Variants in GNAI3 observed in about 807,000 individuals in gnomAD.
GNAI3 encodes the protein guanine nucleotide-binding protein G(i) subunit alpha-3.
Under a neutral mutation model 41.8 loss-of-function variants are expected in GNAI3, and 12 were observed. That is an observed-to-expected ratio of 0.29 (90% CI 0.18 to 0.47). The LOEUF is 0.47. Among genes scored for constraint, GNAI3 ranks in the 20% least tolerant of loss-of-function variants. The pLI, the probability that GNAI3 is intolerant of heterozygous loss-of-function variation, is 1.00. For synonymous variants in GNAI3, 132 were observed against 146.5 expected (o/e 0.90, Z 0.71); for missense variants, 360 against 429.6 (o/e 0.84, Z 1.43).
At chr1:109,571,212 G>GA in intron 1 of GNAI3, among the ~76,000 whole-genome samples, 1 of 152,224 alleles carries the variant, frequency 6.6e-6, no homozygotes, top group East Asian at 1.9e-4. Context: ...GTGAGTTGGG[G>GA]AATCAGTATC....
chr1:109,570,402 T>A (rs1414539709), intron 1 of GNAI3, among the ~76,000 whole-genome samples: 1 of 152,202 alleles, frequency 6.6e-6, no homozygotes, highest in Non-Finnish European at 1.5e-5. Flanking sequence ...CATGACCAGT[T>A]TAAGGCCCTG....
intron 1 of GNAI3, among the ~76,000 whole-genome samples, chr1:109,568,199 A>G (rs1430176157): frequency 6.6e-6 from 1 of 152,106 alleles, no homozygotes; most frequent in African/African-American, 2.4e-5. Flanking sequence ...GGTGGAGAGC[A>G]TATGCTCTGG....
intron 3 of GNAI3, among the ~76,000 whole-genome samples, chr1:109,574,558 A>G (rs555486087): frequency 6.6e-6 from 1 of 152,300 alleles, no homozygotes; most frequent in South Asian, 2.1e-4. Context: ...ATGCCCTAGT[A>G]TAATTCTTTA....
At chr1:109,575,111 A>T (rs2101101685) in intron 3 of GNAI3, among the ~76,000 whole-genome samples, 2 of 152,310 alleles carry the variant, frequency 1.3e-5, no homozygotes, top group South Asian at 4.1e-4. Context: ...TGTGAATGTG[A>T]CTTTTATATT....
At position 109,575,230 on chromosome 1, in the gene GNAI3, CT is replaced by C. The variant is rs1374086136; in HGVS notation, c.303+1194del. Among the ~76,000 whole-genome samples the C allele has an allele frequency of 7.2e-5, 11 of 152,210 alleles. No homozygotes were observed. The East Asian group carries it at 1.9e-3, about 27-fold the overall frequency. On this transcript the variant is annotated intron_variant, in intron 3 of 8. Transcript: ENST00000369851. ...CTTGTCTTACCCTTTCCTATTCCTT[CT>C]CTCACCCCCTGCTTTTGTTTCCTTC...
chr1:109,586,138 G>T, intron 5 of GNAI3, 78 bp from the exon 6 acceptor site: 1 of 1,211,848 alleles, frequency 8.3e-7, no homozygotes, highest in South Asian at 1.8e-5. Context: ...GTAATAGTGG[G>T]AAGTTTCCTA....
rs2230350 is a variant in GNAI3, at chr1:109,548,825, G to A, written c.105G>A (p.Lys35=). 47,409 of 1,532,620 alleles carry A rather than the reference G, an allele frequency of 0.031. 856 individuals are homozygous for A. The highest frequency in any genetic ancestry group is 0.035 in the Non-Finnish European group (39,163 of 1,107,178). 94.9% of individuals were successfully genotyped at this position (1,532,620 alleles called of 1,614,324 possible). A position where few individuals can be genotyped will look rare whatever the true frequency, so the allele number is the denominator to read the frequency against. The change falls in exon 1 of 9, where the codon AAG becomes AAA. Residue 35 remains lysine, a synonymous_variant. Transcript: ENST00000369851. ...GGGAAAAAGCGGCCAAAGAAGTGAA[G>A]CTGCTGCTACTCGGTGAGGGGCTGG... The part of the protein sequence containing the change: ...EDGEKAAKEV[K]LLLLGAGESG...
At chr1:109,569,727 G>T (rs1648545584) in intron 1 of GNAI3, among the ~76,000 whole-genome samples, 1 of 152,028 alleles carries the variant, frequency 6.6e-6, no homozygotes, top group Non-Finnish European at 1.5e-5. Context: ...AGATATTAGT[G>T]TGATAATAAA....
At chr1:109,552,724 G>GT (rs937081210) in intron 1 of GNAI3, among the ~76,000 whole-genome samples, 19 of 148,448 alleles carry the variant, frequency 1.3e-4, no homozygotes, top group South Asian at 2.1e-4. Context: ...TTTTGTTTTT[G>GT]TTTTTTTTTG....
rs757735035 is a variant in GNAI3, at chr1:109,597,849, T to C, written c.*5527T>C. ...TTACACTTGGTAGAGAAAGCAAAGC[T>C]AGCTAGCTCTAAACTAGAATGAAAG... On this transcript the variant is annotated 3_prime_UTR_variant, in exon 9 of 9. Coordinates refer to ENST00000369851, the MANE Select transcript of GNAI3 (RefSeq NM_006496.4). 3.3e-5 allele frequency: 5 copies of C among 152,198 alleles called. No individual in the cohort carries two copies. Among genetic ancestry groups the C allele is most frequent in the Non-Finnish European group, 5.9e-5 (4 of 68,024 alleles). The allele number at this position is 152,198 out of a possible 1,614,324, so 9.4% of individuals were successfully genotyped here.
intron 7 of GNAI3, among the ~76,000 whole-genome samples, chr1:109,591,087 A>G (rs1649160316): frequency 1.3e-5 from 2 of 152,198 alleles, no homozygotes; most frequent in South Asian, 4.1e-4. Context: ...GGTATTAATT[A>G]CAAATATTGT....
intron 1 of GNAI3, among the ~76,000 whole-genome samples, chr1:109,556,505 T>C (rs1360118978): frequency 6.6e-6 from 1 of 152,214 alleles, no homozygotes; most frequent in Admixed American, 6.5e-5. Context: ...GGACAATTTT[T>C]TACTTGGAAT....
chr1:109,568,305 G>A (rs138415086), intron 1 of GNAI3, among the ~76,000 whole-genome samples: 151 of 152,052 alleles, frequency 9.9e-4, no homozygotes, highest in African/African-American at 3.4e-3. Context: ...GAGGTGAGGC[G>A]GGAGGATTGC....
chr1:109,588,314 A>T (rs1206791458), intron 7 of GNAI3, among the ~76,000 whole-genome samples: 1 of 150,248 alleles, frequency 6.7e-6, no homozygotes, highest in South Asian at 2.1e-4. Context: ...CCCGGGAGGC[A>T]GAGCTTGCAG....
At chr1:109,552,553 T>C (rs1035004119) in intron 1 of GNAI3, among the ~76,000 whole-genome samples, 3 of 152,166 alleles carry the variant, frequency 2.0e-5, no homozygotes, top group Admixed American at 2.0e-4. Flanking sequence ...GGATTACCAG[T>C]GTGAGCCACT....
At chr1:109,569,431 G>A (rs1302909653) in intron 1 of GNAI3, among the ~76,000 whole-genome samples, 3 of 152,178 alleles carry the variant, frequency 2.0e-5, no homozygotes, top group Non-Finnish European at 4.4e-5. Context: ...TTTGAAAAAA[G>A]ATAGATAAAA....
rs1209959386 is a variant in GNAI3 at position 109,573,774 on chromosome 1, G to T, written c.156G>T (p.Gln52His). ...CTGGTAAAAGCACCATTGTGAAACA[G>T]ATGAAGTAAGTTGGAATGTAGCGTT... Reference protein sequence around the residue: ...GESGKSTIVKQMKIIHEDGYS... With the variant: ...GESGKSTIVKHMKIIHEDGYS... Residue 52 changes from glutamine to histidine, a missense_variant, in exon 2 of 9, where the codon CAG becomes CAT. Coordinates refer to ENST00000369851, the MANE Select transcript of GNAI3 (RefSeq NM_006496.4). The T allele has an allele frequency of 6.2e-7, 1 of 1,611,494 alleles. No individual in the cohort carries two copies. Among genetic ancestry groups the T allele is most frequent in the Non-Finnish European group, 8.5e-7 (1 of 1,177,766 alleles).
intron 1 of GNAI3, among the ~76,000 whole-genome samples, chr1:109,551,194 T>A (rs987591372): frequency 1.2e-4 from 18 of 152,258 alleles, no homozygotes; most frequent in African/African-American, 1.9e-4. Flanking sequence ...GTAAGATTTT[T>A]AAAATATTCT....
chr1:109,564,735 C>T (rs1648405845), intron 1 of GNAI3, among the ~76,000 whole-genome samples: 1 of 152,144 alleles, frequency 6.6e-6, no homozygotes, highest in Non-Finnish European at 1.5e-5. Flanking sequence ...TGGCCTAGAT[C>T]GTGTGGGCCA....
Sources: gnomAD v4.1 joint callset for allele counts (sites outside exome capture counted in the v4.1 genomes callset) on GRCh38, gnomAD v4.1.1 for gene constraint, MANE v1.5 for transcripts, NCBI Gene and HGNC (gene_info 2026-07-23, HGNC 2026-07-21) for gene names.